Variants in UST observed in about 807,000 individuals in gnomAD.
UST encodes the protein chondroitin sulfate 2-O-sulfotransferase.
A neutral mutation model predicts 45.6 loss-of-function variants in UST; 21 were observed. That is an observed-to-expected ratio of 0.46 (90% confidence interval 0.33 to 0.66). The LOEUF is 0.66. UST is among the 30% of genes least tolerant of loss of function. The pLI is 0.02. For missense variants in UST, 463 were observed against 512.4 expected (o/e 0.90, Z 0.93); for synonymous variants, 215 against 200.6 (o/e 1.07, Z -0.61).
At chr6:148,954,255 G>A (rs1261240915) in intron 4 of UST, among the ~76,000 whole-genome samples, 1 of 152,040 alleles carries the variant, frequency 6.6e-6, no homozygotes, top group Non-Finnish European at 1.5e-5. Context: ...GCAGGAGATG[G>A]GTATTTTAGC....
In UST at chr6:148,910,494, G is replaced by C. The variant is rs185142224; in HGVS notation, c.291+23465G>C. ...TCAGAACCCTGTTCAGGGTGTGAAGGACAAGTTAAGCCATCTCCGTCTCTC... is the reference window on the plus strand; with the variant it reads ...TCAGAACCCTGTTCAGGGTGTGAAGCACAAGTTAAGCCATCTCCGTCTCTC... On this transcript the variant is annotated intron_variant, in intron 2 of 7. Transcript: ENST00000367463. 4.6e-5 allele frequency among the ~76,000 whole-genome samples: 7 copies of C among 152,126 alleles called. No individual in the cohort carries two copies. The East Asian group carries it at 1.4e-3, about 29-fold the overall frequency.
At chr6:148,775,002 C>T (rs1297150285) in intron 1 of UST, among the ~76,000 whole-genome samples, 1 of 151,750 alleles carries the variant, frequency 6.6e-6, no homozygotes, top group African/African-American at 2.4e-5. Context: ...TGGAGTCTGA[C>T]AGAGTGAGAC....
chr6:148,820,142 G>GATATCGACTGAA (rs1777429166), intron 1 of UST, among the ~76,000 whole-genome samples: 1 of 152,098 alleles, frequency 6.6e-6, no homozygotes, highest in Non-Finnish European at 1.5e-5. Flanking sequence ...AACCGTTTGA[G>GATATCGACTGAA]GATATCGACA....
chr6:148,865,700 GTGTGTGTGTGTGT>G lies in UST; in HGVS notation c.248-21285_248-21273del, dbSNP rs1562281695. ...TGTGTGTGTGTGTGTGTGTGTGTGTGTGTGTGTGTGTGTGAATTCAGAGAAGAGGCAAATTAAT... is the reference window on the plus strand; with the variant it reads ...TGTGTGTGTGTGTGTGTGTGTGTGTGGAATTCAGAGAAGAGGCAAATTAAT... On this transcript the variant is annotated intron_variant, in intron 1 of 7. Coordinates refer to ENST00000367463, the MANE Select transcript of UST (RefSeq NM_005715.3). 9.5e-5 allele frequency among the ~76,000 whole-genome samples: 14 copies of G among 147,958 alleles called. No individual in the cohort carries two copies. In the East Asian group the frequency reaches 9.7e-4, roughly 10 times the overall value.
At chr6:149,043,018 TCTTTTTC>T (rs1220014143) in intron 7 of UST, among the ~76,000 whole-genome samples, 2 of 133,892 alleles carry the variant, frequency 1.5e-5, no homozygotes, top group African/African-American at 7.5e-5. Context: ...TTTCTTTCTT[TCTTTTTC>T]TTTCTTTCTT....
At chr6:149,044,791 A>C (rs1776375157) in intron 7 of UST, among the ~76,000 whole-genome samples, 1 of 152,234 alleles carries the variant, frequency 6.6e-6, no homozygotes, top group South Asian at 2.1e-4. Flanking sequence ...TGTGCTCAGT[A>C]GTCTAATGTT....
intron 1 of UST, among the ~76,000 whole-genome samples, chr6:148,882,240 CT>C (rs1354117528): frequency 1.3e-5 from 2 of 152,092 alleles, no homozygotes; most frequent in African/African-American, 4.8e-5. Context: ...AATCCTAGCA[CT>C]TTGGGAGTCC....
intron 5 of UST, among the ~76,000 whole-genome samples, chr6:149,000,080 A>C (rs979601640): frequency 1.3e-5 from 2 of 152,208 alleles, no homozygotes; most frequent in African/African-American, 4.8e-5. Context: ...AAGGTCAAGG[A>C]GACTAGAAGT....
At chr6:149,000,353 G>A (rs2115002255) in intron 5 of UST, among the ~76,000 whole-genome samples, 1 of 152,290 alleles carries the variant, frequency 6.6e-6, no homozygotes, top group South Asian at 2.1e-4. Context: ...CTCATAAGAT[G>A]GGAAGTAAAA....
At chr6:148,819,682 A>G (rs1158242762) in intron 1 of UST, among the ~76,000 whole-genome samples, 1 of 152,186 alleles carries the variant, frequency 6.6e-6, no homozygotes, top group Admixed American at 6.5e-5. Context: ...AAAAAGCATT[A>G]TTTTGTGTAT....
At chr6:149,017,055 G>A (rs755302832) in intron 5 of UST, among the ~76,000 whole-genome samples, 3 of 152,246 alleles carry the variant, frequency 2.0e-5, no homozygotes, top group Admixed American at 6.5e-5. Flanking sequence ...TTCACAGTGT[G>A]TAAATCTCTG....
At chr6:148,777,986 G>A (rs1776567478) in intron 1 of UST, among the ~76,000 whole-genome samples, 1 of 152,120 alleles carries the variant, frequency 6.6e-6, no homozygotes, top group Admixed American at 6.5e-5. Context: ...GTGTAGAGTA[G>A]GCTGTACCAT....
intron 3 of UST, among the ~76,000 whole-genome samples, chr6:148,953,573 A>G (rs913078063): frequency 6.6e-6 from 1 of 152,126 alleles, no homozygotes; most frequent in African/African-American, 2.4e-5. Context: ...ACGAGGTCAG[A>G]AGTTCGAGAC....
intron 2 of UST, among the ~76,000 whole-genome samples, chr6:148,923,491 T>A (rs1185359607): frequency 6.6e-6 from 1 of 152,226 alleles, no homozygotes. Context: ...TAAAGTGGTA[T>A]CTCATTGTGA....
At chr6:148,769,671 G>A (rs2114671005) in intron 1 of UST, among the ~76,000 whole-genome samples, 1 of 152,256 alleles carries the variant, frequency 6.6e-6, no homozygotes, top group East Asian at 1.9e-4. Flanking sequence ...ACACATACAT[G>A]TCTTCAGTTT....
chr6:148,994,553 G>T (rs773634174), intron 5 of UST, among the ~76,000 whole-genome samples: 4 of 152,148 alleles, frequency 2.6e-5, no homozygotes, highest in Non-Finnish European at 4.4e-5. Context: ...AGGGTAAGGA[G>T]GTCAGTTGGT....
intron 7 of UST, among the ~76,000 whole-genome samples, chr6:149,065,590 A>C (rs757492806): frequency 1.1e-4 from 17 of 152,300 alleles, no homozygotes; most frequent in Admixed American, 2.0e-4. Flanking sequence ...GGGGACCCAG[A>C]TTCAAATTCG....
intron 4 of UST, among the ~76,000 whole-genome samples, chr6:148,962,407 G>A (rs550302625): frequency 6.6e-6 from 1 of 152,338 alleles, no homozygotes; most frequent in African/African-American, 2.4e-5. Flanking sequence ...GAACATAAAA[G>A]AACAGTTGAG....
chr6:149,028,551 C>T (rs1776084547), intron 7 of UST, among the ~76,000 whole-genome samples: 1 of 152,214 alleles, frequency 6.6e-6, no homozygotes, highest in Admixed American at 6.5e-5. Context: ...TGATACATTA[C>T]AAGGAAATCT....
Sources: allele counts gnomAD v4.1 joint callset (sites outside exome capture counted in the v4.1 genomes callset), GRCh38; gene constraint gnomAD v4.1.1; transcripts MANE v1.5; gene names NCBI Gene and HGNC (gene_info 2026-07-23, HGNC 2026-07-21).